The following PHF14 variants were observed in gnomAD, a reference collection of about 807,000 sequenced individuals.
PHF14 encodes PHD finger protein 14.
A neutral mutation model predicts 117.9 loss-of-function variants in PHF14; 55 were observed. That is an observed-to-expected ratio of 0.47 (90% CI 0.38 to 0.58). The LOEUF (loss-of-function observed/expected upper bound fraction) is 0.58. PHF14 is among the 20% of genes least tolerant of loss of function. The pLI, the probability that PHF14 is intolerant of heterozygous loss-of-function variation, is 0.00. For missense variants in PHF14, 978 were observed against 1,122.2 expected (o/e 0.87, Z 1.84); for synonymous variants, 409 against 368.6 (o/e 1.11, Z -1.26).
In PHF14 at chr7:11,057,263, A is replaced by G. The variant is rs1785050967; in HGVS notation, c.2482-4528A>G. Among the ~76,000 whole-genome samples, 3 of 152,212 alleles carry G rather than the reference A, an allele frequency of 2.0e-5. No homozygotes were observed. In the South Asian group the frequency reaches 6.2e-4, roughly 31 times the overall value. The stretch of plus-strand genomic sequence containing the variant: ...CTTGATTGCAAATTAAAATAACCTC[A>G]GCTCTAAAGAATTAATTAAAATACA... On this transcript the variant is annotated intron_variant, in intron 14 of 17. Coordinates refer to ENST00000634607, the MANE Select transcript of PHF14 (RefSeq NM_001007157.2).
intron 2 of PHF14, among the ~76,000 whole-genome samples, chr7:10,980,378 G>A (rs1055349256): frequency 7.2e-5 from 11 of 152,168 alleles, no homozygotes; most frequent in Non-Finnish European, 1.3e-4. Context: ...AAATCTTTCT[G>A]TGTCTTAGAA....
In PHF14 at chr7:11,122,327, CTT is replaced by C. The variant is rs1360575881; in HGVS notation, c.2772+10864_2772+10865del. Among the ~76,000 whole-genome samples the C allele has an allele frequency of 4.8e-3, 370 of 76,700 alleles. 2 individuals carry two copies. The highest frequency in any genetic ancestry group is 0.025 in the African/African-American group (353 of 13,978). The allele number at this position is 76,700 out of a possible 152,430, so 50.3% of individuals were successfully genotyped here. On this transcript the variant is annotated intron_variant, in intron 17 of 17. Transcript: ENST00000634607. Reference sequence around the variant, plus strand: ...AGTTAAGGGGAGATTACTGTTTGTACTTTTTATATATATATATATATATATAC... The same window carrying C: ...AGTTAAGGGGAGATTACTGTTTGTACTTTATATATATATATATATATATAC...
At chr7:11,122,352 T>TATATATATATACACACACAC in intron 17 of PHF14, among the ~76,000 whole-genome samples, 12 of 65,866 alleles carry the variant, frequency 1.8e-4, no homozygotes, top group Middle Eastern at 7.5e-3. Flanking sequence ...TATATATATA[T>TATATATATATACACACACAC]ACACACACAC....
At chr7:11,070,904 G>A (rs1785594873) in intron 16 of PHF14, among the ~76,000 whole-genome samples, 1 of 152,010 alleles carries the variant, frequency 6.6e-6, no homozygotes, top group African/African-American at 2.4e-5. Flanking sequence ...ATTTGTTTTT[G>A]GGCAGGGACA....
rs79908927 is a variant in PHF14, at chr7:11,069,917, G to A, written c.2654+7832G>A. 1.1e-4 allele frequency among the ~76,000 whole-genome samples: 17 copies of A among 151,432 alleles called. No homozygotes were observed. In the East Asian group the frequency reaches 3.3e-3, roughly 30 times the overall value. On this transcript the variant is annotated intron_variant, in intron 16 of 17. Transcript: ENST00000634607. ...AGATAATACTGGCCTTCTGAATGGA[G>A]TTGGAAAAAGTGTTCCCTTATTCTT...
At chr7:11,078,489 T>C (rs1286058807) in intron 16 of PHF14, among the ~76,000 whole-genome samples, 1 of 152,184 alleles carries the variant, frequency 6.6e-6, no homozygotes, top group African/African-American at 2.4e-5. Context: ...GCCAGTTTTC[T>C]CATTCATAGA....
At chr7:11,003,972 G>A (rs139983233) in intron 4 of PHF14, among the ~76,000 whole-genome samples, 3,420 of 152,180 alleles carry the variant, frequency 0.022, 48 homozygotes, top group Non-Finnish European at 0.034. Flanking sequence ...TCCCAGTTGG[G>A]CTTGGTGGCT....
intron 16 of PHF14, among the ~76,000 whole-genome samples, chr7:11,070,621 C>A (rs939181758): frequency 4.6e-5 from 7 of 152,110 alleles, no homozygotes; most frequent in African/African-American, 1.7e-4. Context: ...CCATATTGAT[C>A]GTCTTACATT....
chr7:10,989,262 C>G (rs1037835042), intron 3 of PHF14, among the ~76,000 whole-genome samples: 1 of 152,070 alleles, frequency 6.6e-6, no homozygotes, highest in African/African-American at 2.4e-5. Context: ...CAAGTGTATT[C>G]AAGTGTCAGT....
intron 17 of PHF14, among the ~76,000 whole-genome samples, chr7:11,132,121 A>T (rs1005577789): frequency 6.6e-6 from 1 of 151,934 alleles, no homozygotes; most frequent in East Asian, 1.9e-4. Context: ...AATAGCTAAA[A>T]TCTACTCATT....
chr7:11,074,582 C>A lies in PHF14; in HGVS notation c.2654+12497C>A, dbSNP rs527544297. Among the ~76,000 whole-genome samples the A allele has an allele frequency of 6.2e-4, 95 of 152,288 alleles. 1 individual carries two copies. Among genetic ancestry groups the A allele is most frequent in the Middle Eastern group, 6.8e-3 (2 of 294 alleles). ...TAGGCTGTTATAAGCAGCCAGGCCA[C>A]ATCTTAACTGCTTCACTGCTTAGAA... On this transcript the variant is annotated intron_variant, in intron 16 of 17. Coordinates refer to ENST00000634607, the MANE Select transcript of PHF14 (RefSeq NM_001007157.2).
chr7:11,022,881 G>A lies in PHF14; in HGVS notation c.1219G>A (p.Val407Ile). 6.3e-7 allele frequency: 1 copy of A among 1,599,280 alleles called. No homozygotes were observed. Among genetic ancestry groups the A allele is most frequent in the Non-Finnish European group, 8.6e-7 (1 of 1,169,084 alleles). ...TTCTCTTCTTAGATGGGTTCATATTGTTTGTGCCCTGTATGTTCCTGGAGT... is the reference window on the plus strand; with the variant it reads ...TTCTCTTCTTAGATGGGTTCATATTATTTGTGCCCTGTATGTTCCTGGAGT... ...ETDAGRWVHI[V>I]CALYVPGVAF... The change falls in exon 6 of 18, where the codon GTT becomes ATT. Residue 407 changes from valine to isoleucine, a missense_variant. Transcript: ENST00000634607.
At position 10,974,260 on chromosome 7, in the gene PHF14, C is replaced by T. The variant is rs1781784385; in HGVS notation, c.-64C>T. 8 of 1,473,396 alleles carry T rather than the reference C, an allele frequency of 5.4e-6. No individual in the cohort carries two copies. Among genetic ancestry groups the T allele is most frequent in the South Asian group, 2.4e-5 (2 of 83,354 alleles). The allele number at this position is 1,473,396 out of a possible 1,614,324, so 91.3% of individuals were successfully genotyped here. ...TCGCGGCCCCAGTCCCCGACCTCGG[C>T]GCTGCCTGGGCTCCTGCAGCCTCTC... On this transcript the variant is annotated 5_prime_UTR_variant, in exon 1 of 18. Coordinates refer to ENST00000634607, the MANE Select transcript of PHF14 (RefSeq NM_001007157.2).
intron 4 of PHF14, among the ~76,000 whole-genome samples, chr7:10,992,070 T>G (rs1782476330): frequency 6.6e-6 from 1 of 151,990 alleles, no homozygotes; most frequent in South Asian, 2.1e-4. Flanking sequence ...GTATTTTTAT[T>G]TTTGAGACAG....
chr7:11,162,700 C>CTTTT (rs5882294), intron 17 of PHF14, among the ~76,000 whole-genome samples: 1 of 127,952 alleles, frequency 7.8e-6, no homozygotes, highest in African/African-American at 2.9e-5. Context: ...AATCCAAAGT[C>CTTTT]TTTTTTTTTT....
intron 4 of PHF14, among the ~76,000 whole-genome samples, chr7:10,993,776 A>G (rs1583340095): frequency 6.6e-6 from 1 of 152,186 alleles, no homozygotes; most frequent in African/African-American, 2.4e-5. Flanking sequence ...TGGGAGGCCA[A>G]GGCAAGCGGA....
chr7:11,075,998 G>A (rs909020167), intron 16 of PHF14, among the ~76,000 whole-genome samples: 1 of 152,282 alleles, frequency 6.6e-6, no homozygotes, highest in African/African-American at 2.4e-5. Flanking sequence ...AATTAGCCGG[G>A]CATGGTGGCG....
At chr7:11,013,933 T>C in intron 5 of PHF14, 27 bp downstream of exon 5, 1 of 1,523,538 alleles carries the variant, frequency 6.6e-7, no homozygotes, top group Non-Finnish European at 9.0e-7. Context: ...TGTTGGTTCA[T>C]ATGTTTGCTT....
At chr7:11,150,123 A>G (rs1788664236) in intron 17 of PHF14, among the ~76,000 whole-genome samples, 1 of 152,250 alleles carries the variant, frequency 6.6e-6, no homozygotes, top group South Asian at 2.1e-4. Context: ...ATTGAGGTAT[A>G]ACAATATGCC....
Sources: allele counts gnomAD v4.1 joint callset (sites outside exome capture counted in the v4.1 genomes callset), GRCh38; gene constraint gnomAD v4.1.1; transcripts MANE v1.5; gene names NCBI Gene and HGNC (gene_info 2026-07-23, HGNC 2026-07-21).